The following MUC7 variants were observed in gnomAD, a reference collection of about 807,000 sequenced individuals.
MUC7 encodes the protein mucin-7.
In MUC7, 2 loss-of-function variants were observed where a neutral mutation model predicts 2.5. The observed-to-expected ratio is 0.81, with a 90% confidence interval of 0.33 to 2.55. The LOEUF is 2.55. Among genes scored for constraint, MUC7 ranks in the 30% most tolerant of loss-of-function variants. The probability of loss-of-function intolerance (pLI) is 0.11; values close to 1 mark genes in which losing one functional copy is unlikely to be tolerated. For missense variants in MUC7, 408 were observed against 455.6 expected (o/e 0.90, Z 0.95); for synonymous variants, 133 against 173.4 (o/e 0.77, Z 1.83).
At chr4:70,465,346 G>A (rs62322555) in intron 1 of MUC7, among the ~76,000 whole-genome samples, 20,881 of 152,152 alleles carry the variant, frequency 0.14, 1,706 homozygotes, top group Middle Eastern at 0.24. Context: ...CTCTTCCCCT[G>A]CAAAGGATCA....
intron 1 of MUC7, among the ~76,000 whole-genome samples, chr4:70,461,435 T>C (rs973582179): frequency 6.6e-6 from 1 of 152,216 alleles, no homozygotes; most frequent in Non-Finnish European, 1.5e-5. Flanking sequence ...CTGTGTGTTT[T>C]ACTGATTTTC....
chr4:70,458,103 A>C (rs1287181306), intron 1 of MUC7, among the ~76,000 whole-genome samples: 1 of 152,152 alleles, frequency 6.6e-6, no homozygotes, highest in Non-Finnish European at 1.5e-5. Flanking sequence ...TTTATAAAAC[A>C]AATCCAACAA....
At chr4:70,439,033 T>A (rs1203523554) in intron 1 of MUC7, among the ~76,000 whole-genome samples, 1 of 151,816 alleles carries the variant, frequency 6.6e-6, no homozygotes, top group African/African-American at 2.4e-5. Flanking sequence ...GGGAGGCAAA[T>A]CACAAGAAAC....
intron 1 of MUC7, among the ~76,000 whole-genome samples, chr4:70,446,855 T>C (rs1734153457): frequency 6.6e-6 from 1 of 152,200 alleles, no homozygotes; most frequent in Non-Finnish European, 1.5e-5. Flanking sequence ...ATCAAAACTA[T>C]TGTGTCAAGT....
intron 1 of MUC7, among the ~76,000 whole-genome samples, chr4:70,448,563 A>G (rs1474278009): frequency 6.6e-6 from 1 of 152,160 alleles, no homozygotes; most frequent in Non-Finnish European, 1.5e-5. Flanking sequence ...TGCCATTTGT[A>G]TGTCTTCTTT....
At chr4:70,473,519 T>C (rs905974885) in intron 1 of MUC7, among the ~76,000 whole-genome samples, 3 of 151,230 alleles carry the variant, frequency 2.0e-5, no homozygotes, top group African/African-American at 7.3e-5. Context: ...GGAGGAAGAG[T>C]CCATTTGACC....
rs191395873 is a variant in MUC7 at position 70,464,517 on chromosome 4, G to T, written c.-92-7698G>T. 4.1e-4 allele frequency among the ~76,000 whole-genome samples: 63 copies of T among 152,302 alleles called. No homozygotes were observed. In the East Asian group the frequency reaches 0.012, roughly 29 times the overall value. On this transcript the variant is annotated intron_variant, in intron 1 of 3. Coordinates refer to the MUC7 transcript ENST00000413702. The stretch of plus-strand genomic sequence containing the variant: ...CAATGGCTTGAAATTCTCGCTGCGA[G>T]CACAACAGTCTGAAGTCAATCTGGG...
chr4:70,442,167 A>G lies in MUC7; in HGVS notation c.-93+11480A>G, dbSNP rs541804977. Among the ~76,000 whole-genome samples, 7 of 152,364 alleles carry G rather than the reference A, an allele frequency of 4.6e-5. No individual in the cohort carries two copies. In the South Asian group the frequency reaches 8.3e-4, roughly 18 times the overall value. ...TTGGTAAACACTATATTTTCTATAC[A>G]ACAAAAATGCTATCATACTTTGGGT... On this transcript the variant is annotated intron_variant, in intron 1 of 3. Coordinates refer to the MUC7 transcript ENST00000413702.
At chr4:70,444,340 G>A (rs1734076070) in intron 1 of MUC7, among the ~76,000 whole-genome samples, 1 of 152,148 alleles carries the variant, frequency 6.6e-6, no homozygotes, top group Non-Finnish European at 1.5e-5. Context: ...CCAAATCTGT[G>A]GAAAAGGCCA....
At chr4:70,457,191 C>A (rs558924010) in intron 1 of MUC7, among the ~76,000 whole-genome samples, 1 of 152,214 alleles carries the variant, frequency 6.6e-6, no homozygotes, top group South Asian at 2.1e-4. Context: ...ACCTGTCATC[C>A]CAATGCTTTG....
chr4:70,480,048 C>T (rs950208870), intron 2 of MUC7, among the ~76,000 whole-genome samples: 2 of 152,186 alleles, frequency 1.3e-5, no homozygotes, highest in Admixed American at 6.5e-5. Flanking sequence ...TACAGTTGGA[C>T]TGGATCAGTG....
chr4:70,433,330 A>G (rs1160653066), intron 1 of MUC7, among the ~76,000 whole-genome samples: 10 of 152,152 alleles, frequency 6.6e-5, no homozygotes, highest in Admixed American at 6.5e-4. Flanking sequence ...CAGTATGGCC[A>G]TTTTCAAGAT....
chr4:70,466,768 G>C (rs919093769), intron 1 of MUC7, among the ~76,000 whole-genome samples: 28 of 152,242 alleles, frequency 1.8e-4, no homozygotes, highest in African/African-American at 6.7e-4. Context: ...CAAGTTCTTA[G>C]AGACCTACAA....
chr4:70,478,166 A>G (rs1735060431), intron 2 of MUC7, among the ~76,000 whole-genome samples: 1 of 152,228 alleles, frequency 6.6e-6, no homozygotes, highest in South Asian at 2.1e-4. Context: ...TTGCCTTCAT[A>G]TAAAAATGTG....
chr4:70,447,390 T>G (rs549878348), intron 1 of MUC7, among the ~76,000 whole-genome samples: 1 of 152,256 alleles, frequency 6.6e-6, no homozygotes, highest in Admixed American at 6.5e-5. Context: ...ACTATTATTT[T>G]GAGGAAGGAG....
chr4:70,436,336 C>A (rs1261817608), intron 1 of MUC7, among the ~76,000 whole-genome samples: 1 of 152,152 alleles, frequency 6.6e-6, no homozygotes, highest in Admixed American at 6.6e-5. Flanking sequence ...TTAAGGTATA[C>A]CAATCAAACG....
chr4:70,452,391 T>C (rs1252548854), intron 1 of MUC7, among the ~76,000 whole-genome samples: 1 of 152,216 alleles, frequency 6.6e-6, no homozygotes, highest in Non-Finnish European at 1.5e-5. Context: ...ATGTTTTCAT[T>C]TCTTGCTCCT....
intron 2 of MUC7, among the ~76,000 whole-genome samples, chr4:70,478,400 TC>T (rs2109746311): frequency 6.6e-6 from 1 of 152,344 alleles, no homozygotes; most frequent in Admixed American, 6.5e-5. Flanking sequence ...TTCGTGAGGC[TC>T]ATGTGATTAA....
intron 1 of MUC7, among the ~76,000 whole-genome samples, chr4:70,445,072 A>G (rs1734097683): frequency 6.6e-6 from 1 of 152,108 alleles, no homozygotes; most frequent in African/African-American, 2.4e-5. Context: ...AAACAAAAAC[A>G]AAACACTTTT....
Sources: allele counts gnomAD v4.1 joint callset (sites outside exome capture counted in the v4.1 genomes callset), GRCh38; gene constraint gnomAD v4.1.1; transcripts MANE v1.5; gene names NCBI Gene and HGNC (gene_info 2026-07-23, HGNC 2026-07-21).